The following STRA8 variants were observed in gnomAD, a reference collection of about 807,000 sequenced individuals.
STRA8 encodes the protein stimulated by retinoic acid 8.
In STRA8, 18 loss-of-function variants were observed where a neutral mutation model predicts 37.1. That is an observed-to-expected ratio of 0.48 (90% CI 0.34 to 0.72). STRA8 has a LOEUF of 0.72. STRA8 is among the 30% of genes least tolerant of loss of function. The pLI, the probability that STRA8 is intolerant of heterozygous loss-of-function variation, is 0.01. For missense variants in STRA8, 357 were observed against 410.4 expected, an observed-to-expected ratio of 0.87 and a Z score of 1.13; for synonymous variants, 168 against 162.9, an observed-to-expected ratio of 1.03 and a Z score of -0.24.
intron 6 of STRA8, among the ~76,000 whole-genome samples, chr7:135,251,417 C>A (rs1458347977): frequency 6.6e-6 from 1 of 152,120 alleles, no homozygotes; most frequent in Non-Finnish European, 1.5e-5. Context: ...AGACTGGGGA[C>A]CCTGGGCTCC....
At chr7:135,243,444 C>G (rs1380081835) in intron 4 of STRA8, 34 bp downstream of exon 4, 1 of 1,593,462 alleles carries the variant, frequency 6.3e-7, no homozygotes, top group South Asian at 1.1e-5. Context: ...AGCTGGGGAC[C>G]TGCTGTGTCC....
upstream of STRA8, among the ~76,000 whole-genome samples, chr7:135,232,365 C>T (rs1832305845): frequency 6.6e-6 from 1 of 151,880 alleles, no homozygotes; most frequent in South Asian, 2.1e-4. Context: ...TTCCTTAAAG[C>T]CCTGAGCGAC....
rs113701242 is a variant in STRA8, at chr7:135,251,745, A to G, written c.880-51A>G. ...CTCTCCCCAGCAGCCCAGGGCAAGC[A>G]TGAAATTGTCAAGTTATTTCCAACA... On this transcript the variant is annotated intron_variant, in intron 6 of 8. Transcript: ENST00000662584. 6.0e-5 allele frequency: 95 copies of G among 1,589,210 alleles called. No individual in the cohort carries two copies. In the African/African-American group the frequency reaches 1.0e-3, roughly 17 times the overall value.
At chr7:135,251,422 G>A (rs925063015) in intron 6 of STRA8, among the ~76,000 whole-genome samples, 1 of 152,120 alleles carries the variant, frequency 6.6e-6, no homozygotes, top group Non-Finnish European at 1.5e-5. Flanking sequence ...GGGGACCCTG[G>A]GCTCCAATAA....
intron 6 of STRA8, among the ~76,000 whole-genome samples, chr7:135,251,309 A>G (rs1832630580): frequency 5.9e-5 from 9 of 152,204 alleles, no homozygotes; most frequent in Admixed American, 5.9e-4. Context: ...CAGGTCACAC[A>G]GCTAGCAAGG....
In STRA8 at chr7:135,258,407, G is replaced by C. The variant is rs74356588; in HGVS notation, c.1066-11G>C. 1 of 1,595,444 alleles carries C rather than the reference G, an allele frequency of 6.3e-7. No individual in the cohort carries two copies. The highest frequency in any genetic ancestry group is 8.5e-7 in the Non-Finnish European group (1 of 1,170,094). On this transcript the variant is annotated splice_polypyrimidine_tract_variant and intron_variant, in intron 8 of 8. Coordinates refer to ENST00000662584, the MANE Select transcript of STRA8 (RefSeq NM_001394401.1). ...ATAAAAAGTGACCCTCTTCCACCCT[G>C]TGTCTTGCAGGAAGCATCCTTTCCC...
Position 135,246,537 on chromosome 7 carries a change from G to T in STRA8, c.714G>T (p.Ser238=), listed in dbSNP as rs146605807. The change falls in exon 6 of 9, where the codon TCG becomes TCT. Residue 238 remains serine, a synonymous_variant. Transcript: ENST00000662584. The surrounding 1 kb of genome is among the most constrained non-coding windows in gnomAD (Gnocchi z 5.4). ...AAISHLWQNL[S]EERKASLRQA... is the part of the protein sequence containing the mutation. ...TCTCCCACCTGTGGCAGAACCTCTCGGAGGAGAGGAAGGCCAGCCTCCGGC... is the reference window on the plus strand; with the variant it reads ...TCTCCCACCTGTGGCAGAACCTCTCTGAGGAGAGGAAGGCCAGCCTCCGGC... 3 of 1,573,830 alleles carry T rather than the reference G, an allele frequency of 1.9e-6. No homozygotes were observed. Among genetic ancestry groups the T allele is most frequent in the Admixed American group, 1.8e-5 (1 of 54,644 alleles).
In STRA8 at chr7:135,240,615, C is replaced by T. The variant is rs773972478; in HGVS notation, c.91C>T (p.Arg31Trp). Residue 31 changes from arginine to tryptophan, a missense_variant, in exon 2 of 9, where the codon CGG becomes TGG. Physicochemically the swap from Arg to Trp is moderately radical, Grantham distance 101 (BLOSUM62 -3). Coordinates refer to ENST00000662584, the MANE Select transcript of STRA8 (RefSeq NM_001394401.1). ...QLQELEHRVA[R>W]RRLSQARHRA... ...GCAGGAGCTTGAGCATCGGGTGGCC[C>T]GGAGACGGCTGTCCCAGGCCCGCCA... 1.6e-5 allele frequency: 26 copies of T among 1,614,052 alleles called. No individual in the cohort carries two copies. The highest frequency in any genetic ancestry group is 3.3e-4 in the Middle Eastern group (2 of 6,084).
At chr7:135,248,536 C>G (rs946739343) in intron 6 of STRA8, among the ~76,000 whole-genome samples, 1 of 151,932 alleles carries the variant, frequency 6.6e-6, no homozygotes, top group Non-Finnish European at 1.5e-5. Flanking sequence ...AGTGAGACTG[C>G]GTCTCTACTA....
In STRA8 at chr7:135,240,513, T is replaced by C; in HGVS notation, c.-6-6T>C. ...GCAAAAAAAAAAGCATACTATTACA[T>C]TACAGCTTATAATGGCAACCCCTGA... On this transcript the variant is annotated splice_polypyrimidine_tract_variant and splice_region_variant and intron_variant, in intron 1 of 8. Transcript: ENST00000662584. 1.9e-6 allele frequency: 3 copies of C among 1,611,520 alleles called. No homozygotes were observed. Among genetic ancestry groups the C allele is most frequent in the Non-Finnish European group, 2.5e-6 (3 of 1,179,090 alleles).
At chr7:135,237,125 T>C (rs1303094545) in intron 1 of STRA8, among the ~76,000 whole-genome samples, 1 of 151,880 alleles carries the variant, frequency 6.6e-6, no homozygotes, top group East Asian at 1.9e-4. Flanking sequence ...AGAGAGATGG[T>C]ATTATAGATG....
chr7:135,253,237 G>T (rs138523710), intron 7 of STRA8, among the ~76,000 whole-genome samples: 108 of 152,252 alleles, frequency 7.1e-4, no homozygotes, highest in African/African-American at 2.4e-3. Context: ...CCTGGCTCTG[G>T]GGCCTGTTTT....
intron 7 of STRA8, among the ~76,000 whole-genome samples, chr7:135,252,220 T>C (rs969907021): frequency 1.6e-4 from 25 of 152,106 alleles, no homozygotes; most frequent in African/African-American, 6.0e-4. Context: ...CTGGGGAAAC[T>C]TACAATCATG....
chr7:135,249,191 TG>T (rs1285773294), intron 6 of STRA8, among the ~76,000 whole-genome samples: 3 of 152,202 alleles, frequency 2.0e-5, no homozygotes, highest in African/African-American at 7.2e-5. Flanking sequence ...ACCTGATATA[TG>T]GCACTCGATA....
chr7:135,252,013 A>AGAGAGTGT (rs142941773), intron 7 of STRA8, 144 bp downstream of exon 7: 25 of 505,286 alleles, frequency 4.9e-5, no homozygotes, highest in South Asian at 6.2e-5. Flanking sequence ...AGAGAGAGAG[A>AGAGAGTGT]GTGTGTGTGT....
At chr7:135,252,671 G>A (rs1832653367) in intron 7 of STRA8, among the ~76,000 whole-genome samples, 1 of 152,174 alleles carries the variant, frequency 6.6e-6, no homozygotes, top group South Asian at 2.1e-4. Context: ...TGTTCACTTT[G>A]CACCCCATTC....
At position 135,246,654 on chromosome 7, in the gene STRA8, C is replaced by T. The variant is rs1202145593; in HGVS notation, c.831C>T (p.Gly277=). ...ACAEGSVKDS[G]VDSQGASCSL... ...CCGAGGGCAGCGTGAAGGACAGCGGCGTGGACAGCCAGGGGGCCAGCTGCT... is the reference window on the plus strand; with the variant it reads ...CCGAGGGCAGCGTGAAGGACAGCGGTGTGGACAGCCAGGGGGCCAGCTGCT... The change falls in exon 6 of 9, where the codon GGC becomes GGT. Residue 277 remains glycine, a synonymous_variant. Transcript: ENST00000662584. This position sits in a 1 kb window ranked among gnomAD's most constrained non-coding sequence, Gnocchi z 5.4. 1.3e-6 allele frequency: 2 copies of T among 1,534,814 alleles called. No homozygotes were observed. The highest frequency in any genetic ancestry group is 1.7e-6 in the Non-Finnish European group (2 of 1,145,668).
intron 1 of STRA8, among the ~76,000 whole-genome samples, chr7:135,236,750 C>T (rs1832384093): frequency 6.6e-6 from 1 of 152,206 alleles, no homozygotes; most frequent in South Asian, 2.1e-4. Context: ...CCAAGATTTT[C>T]TCTTAATCTT....
upstream of STRA8, among the ~76,000 whole-genome samples, chr7:135,233,155 AT>A (rs1239815471): frequency 1.3e-5 from 2 of 152,042 alleles, no homozygotes; most frequent in African/African-American, 2.4e-5. Context: ...GGAAAAATGA[AT>A]TTTTTTTCCA....
Sources: allele counts gnomAD v4.1 joint callset (sites outside exome capture counted in the v4.1 genomes callset), GRCh38; gene constraint gnomAD v4.1.1; non-coding constraint Gnocchi (gnomAD v3.1); transcripts MANE v1.5; gene names NCBI Gene and HGNC (gene_info 2026-07-23, HGNC 2026-07-21).